Variants in RMDN2 observed in about 807,000 individuals in gnomAD.
The protein encoded by RMDN2 is regulator of microtubule dynamics 2.
A neutral mutation model predicts 52.8 loss-of-function variants in RMDN2; 61 were observed. That is an observed-to-expected ratio of 1.16 (90% CI 0.94 to 1.43). The LOEUF (loss-of-function observed/expected upper bound fraction) is 1.43, where lower values mean the gene tolerates loss of function less well. Ranked by LOEUF, RMDN2 falls within the 40% of genes most tolerant of loss-of-function variation. The pLI is 0.00. For synonymous variants in RMDN2, 180 were observed against 153.1 expected (o/e 1.18, Z -1.30); for missense variants, 592 against 475.3 (o/e 1.25, Z -2.28).
At chr2:38,042,078 T>C (rs1680988863) in intron 10 of RMDN2, among the ~76,000 whole-genome samples, 1 of 152,182 alleles carries the variant, frequency 6.6e-6, no homozygotes, top group Non-Finnish European at 1.5e-5. Context: ...CTGAGTCTGT[T>C]GCTATCTGCT....
intron 2 of RMDN2, among the ~76,000 whole-genome samples, chr2:37,944,252 C>T (rs1244060735): frequency 3.3e-5 from 5 of 151,588 alleles, no homozygotes; most frequent in African/African-American, 1.2e-4. Context: ...TATCTGTACT[C>T]CTTGGATTTT....
intron 2 of RMDN2, among the ~76,000 whole-genome samples, chr2:37,961,367 C>G (rs1011723293): frequency 6.6e-6 from 1 of 152,016 alleles, no homozygotes; most frequent in African/African-American, 2.4e-5. Flanking sequence ...TCCCATATTT[C>G]TTGGAAGCTT....
intron 10 of RMDN2, among the ~76,000 whole-genome samples, chr2:38,014,550 T>C (rs1678475294): frequency 6.6e-6 from 1 of 152,346 alleles, no homozygotes; most frequent in African/African-American, 2.4e-5. Context: ...TCTCATGAAG[T>C]TGGTGTGTGA....
chr2:38,065,376 T>TA (rs374747747), intron 10 of RMDN2, among the ~76,000 whole-genome samples: 50 of 149,202 alleles, frequency 3.4e-4, no homozygotes, highest in African/African-American at 8.3e-4. Flanking sequence ...GAATAAATTT[T>TA]AAAAAAAAAA....
At chr2:37,962,687 C>G (rs993272286) in intron 2 of RMDN2, among the ~76,000 whole-genome samples, 7 of 152,124 alleles carry the variant, frequency 4.6e-5, no homozygotes, top group African/African-American at 1.7e-4. Flanking sequence ...GCCTCCTTTC[C>G]CAGGGAGTGA....
chr2:37,929,887 A>G (rs1288956321), intron 2 of RMDN2, among the ~76,000 whole-genome samples, 158 bp downstream of exon 2: 1 of 152,262 alleles, frequency 6.6e-6, no homozygotes, highest in African/African-American at 2.4e-5. Context: ...AGTCATATTC[A>G]GTAGTCAGTA....
At chr2:38,046,983 G>GA (rs1246434542) in intron 10 of RMDN2, among the ~76,000 whole-genome samples, 19 of 150,444 alleles carry the variant, frequency 1.3e-4, no homozygotes, top group African/African-American at 2.4e-4. Flanking sequence ...ATTCTGTCTT[G>GA]AAAAAAAACA....
At chr2:38,058,444 A>C in intron 10 of RMDN2, among the ~76,000 whole-genome samples, 1 of 152,176 alleles carries the variant, frequency 6.6e-6, no homozygotes, top group Non-Finnish European at 1.5e-5. Context: ...GCAACGCCCC[A>C]GATTCTGTTA....
Position 38,017,251 on chromosome 2 carries a change from T to C in RMDN2, c.*12T>C. The C allele has an allele frequency of 6.6e-7, 1 of 1,522,574 alleles. No individual in the cohort carries two copies. The highest frequency in any genetic ancestry group is 8.8e-7 in the Non-Finnish European group (1 of 1,133,080). 94.3% of individuals were successfully genotyped at this position (1,522,574 alleles called of 1,614,324 possible). ...CCTTGAAGAGGTAAATAAACGAATT[T>C]ACTCTTCAACAAATCAGATGTGGTC... On this transcript the variant is annotated 3_prime_UTR_variant, in exon 11 of 11. Coordinates refer to ENST00000354545, the MANE Select transcript of RMDN2 (RefSeq NM_001170791.3).
upstream of RMDN2, among the ~76,000 whole-genome samples, chr2:37,924,188 A>C (rs182791729): frequency 1.3e-5 from 2 of 152,338 alleles, no homozygotes; most frequent in Admixed American, 1.3e-4. Flanking sequence ...ATGGATTGCA[A>C]AACAAGCCTT....
intron 2 of RMDN2, among the ~76,000 whole-genome samples, chr2:37,946,664 C>A (rs936455186): frequency 2.0e-5 from 3 of 152,080 alleles, no homozygotes; most frequent in African/African-American, 7.2e-5. Context: ...GAGGTGGTTG[C>A]CCCATTTGAG....
rs1269600146 is a variant in RMDN2, at chr2:37,959,385, G to A, written c.453-14655G>A. 2.0e-5 allele frequency among the ~76,000 whole-genome samples: 3 copies of A among 150,998 alleles called. 1 individual carries two copies. Among genetic ancestry groups the A allele is most frequent in the African/African-American group, 7.4e-5 (3 of 40,332 alleles). ...TTCTTCCTGGTTTAGTCTTGGGAGG[G>A]TGTGTGTGTCCAGGAATTTATCCAT... On this transcript the variant is annotated intron_variant, in intron 2 of 10. Transcript: ENST00000354545.
intron 4 of RMDN2, among the ~76,000 whole-genome samples, chr2:37,975,700 TAAAAA>T (rs528973543): frequency 6.6e-6 from 1 of 150,898 alleles, no homozygotes; most frequent in African/African-American, 2.4e-5. Context: ...TAAAGTGTAA[TAAAAA>T]AAAAGATCTA....
intron 10 of RMDN2, among the ~76,000 whole-genome samples, chr2:38,014,240 G>A (rs944542052): frequency 6.6e-6 from 1 of 152,146 alleles, no homozygotes; most frequent in Non-Finnish European, 1.5e-5. Flanking sequence ...GGCTATTACA[G>A]TATAGATAGT....
At chr2:38,008,528 C>G (rs1304067054) in intron 10 of RMDN2, among the ~76,000 whole-genome samples, 5 of 152,058 alleles carry the variant, frequency 3.3e-5, no homozygotes, top group Non-Finnish European at 5.9e-5. Context: ...GGGATTGCAA[C>G]CCCTGCCTTT....
intron 5 of RMDN2, among the ~76,000 whole-genome samples, chr2:37,985,279 C>G (rs749947653): frequency 5.9e-5 from 9 of 152,104 alleles, no homozygotes; most frequent in Non-Finnish European, 1.3e-4. Context: ...GCTTTTCATT[C>G]CAGCACGGTT....
intron 2 of RMDN2, among the ~76,000 whole-genome samples, chr2:37,957,292 A>G (rs952636127): frequency 7.2e-5 from 11 of 152,234 alleles, no homozygotes; most frequent in Middle Eastern, 3.4e-3. Context: ...AAGCTTTCCT[A>G]TTTCTCCACA....
At chr2:37,995,102 T>C (rs1215053147) in intron 7 of RMDN2, among the ~76,000 whole-genome samples, 6 of 152,168 alleles carry the variant, frequency 3.9e-5, no homozygotes, top group Non-Finnish European at 5.9e-5. Context: ...CAAAACTCGC[T>C]GAACTGTACA....
At chr2:37,936,048 A>G (rs1469396715) in intron 2 of RMDN2, among the ~76,000 whole-genome samples, 2 of 151,816 alleles carry the variant, frequency 1.3e-5, no homozygotes, top group Non-Finnish European at 2.9e-5. Context: ...ACCCCTCCCC[A>G]TACTCCCCAC....
Sources: gnomAD v4.1 joint callset for allele counts (sites outside exome capture counted in the v4.1 genomes callset) on GRCh38, gnomAD v4.1.1 for gene constraint, MANE v1.5 for transcripts, NCBI Gene and HGNC (gene_info 2026-07-23, HGNC 2026-07-21) for gene names.